The following POLR3B variants were observed in gnomAD, a reference collection of about 807,000 sequenced individuals.
The protein encoded by POLR3B is RNA polymerase III subunit B.
POLR3B carries 96 observed loss-of-function variants against 147.4 expected under a neutral mutation model. That is an observed-to-expected ratio of 0.65 (90% CI 0.55 to 0.77). POLR3B has a LOEUF of 0.77. POLR3B is among the 30% of genes least tolerant of loss of function. The probability of loss-of-function intolerance (pLI) is 0.00; values close to 1 mark genes in which losing one functional copy is unlikely to be tolerated. For synonymous variants in POLR3B, 461 were observed against 485.9 expected, an observed-to-expected ratio of 0.95 and a Z score of 0.67; for missense variants, 1,036 against 1,413.5, an observed-to-expected ratio of 0.73 and a Z score of 4.28.
chr12:106,439,629 G>A (rs967099386), intron 18 of POLR3B, among the ~76,000 whole-genome samples: 7 of 152,084 alleles, frequency 4.6e-5, no homozygotes, highest in African/African-American at 1.7e-4. Context: ...GGGTGACAAA[G>A]CAAACCCTGT....
intron 10 of POLR3B, among the ~76,000 whole-genome samples, chr12:106,404,158 T>A (rs2037116647): frequency 6.7e-6 from 1 of 149,002 alleles, no homozygotes; most frequent in African/African-American, 2.5e-5. Flanking sequence ...TGGCATGATC[T>A]CCGCTCACTG....
chr12:106,422,200 C>CA (rs1229726017), intron 12 of POLR3B, among the ~76,000 whole-genome samples: 1 of 152,092 alleles, frequency 6.6e-6, no homozygotes, highest in Non-Finnish European at 1.5e-5. Flanking sequence ...AATGGCTTAG[C>CA]ACCATCCTCC....
At chr12:106,405,795 G>A (rs972547326) in intron 10 of POLR3B, 62 bp from the exon 11 acceptor site, 1 of 1,543,200 alleles carries the variant, frequency 6.5e-7, no homozygotes, top group African/African-American at 1.4e-5. Flanking sequence ...CATGTGGTTA[G>A]GTGCTTGCTA....
intron 23 of POLR3B, among the ~76,000 whole-genome samples, chr12:106,463,947 T>C (rs1465632667): frequency 6.6e-6 from 1 of 151,434 alleles, no homozygotes; most frequent in South Asian, 2.1e-4. Flanking sequence ...TTTTTTTTTT[T>C]CTGAAAGATA....
chr12:106,440,060 A>G (rs994818870), intron 18 of POLR3B, among the ~76,000 whole-genome samples: 3 of 152,070 alleles, frequency 2.0e-5, no homozygotes, highest in South Asian at 2.1e-4. Flanking sequence ...CCCTTACTCA[A>G]AAAAAATATA....
intron 23 of POLR3B, among the ~76,000 whole-genome samples, chr12:106,489,312 A>C (rs2038379641): frequency 6.6e-6 from 1 of 152,204 alleles, no homozygotes; most frequent in African/African-American, 2.4e-5. Context: ...GTCTTATCAA[A>C]ATATAGTTTT....
At chr12:106,426,062 T>C (rs1565892574) in intron 12 of POLR3B, among the ~76,000 whole-genome samples, 2 of 152,142 alleles carry the variant, frequency 1.3e-5, no homozygotes, top group Non-Finnish European at 2.9e-5. Context: ...ATTTGTATGG[T>C]TTCCAGATTT....
intron 20 of POLR3B, among the ~76,000 whole-genome samples, chr12:106,455,765 C>T (rs996415359): frequency 2.0e-5 from 3 of 152,126 alleles, no homozygotes; most frequent in South Asian, 2.1e-4. Flanking sequence ...CATTCTGAGC[C>T]GAGTTTATTA....
At chr12:106,477,838 G>T (rs2038200173) in intron 23 of POLR3B, among the ~76,000 whole-genome samples, 1 of 150,402 alleles carries the variant, frequency 6.6e-6, no homozygotes, top group Non-Finnish European at 1.5e-5. Flanking sequence ...GTCGCTCACG[G>T]GCTGGGAGCT....
chr12:106,435,503 G>A lies in POLR3B; in HGVS notation c.1782-1554G>A, dbSNP rs960741120. 3.3e-5 allele frequency among the ~76,000 whole-genome samples: 5 copies of A among 151,726 alleles called. No individual in the cohort carries two copies. The South Asian group carries it at 1.0e-3, about 32-fold the overall frequency. On this transcript the variant is annotated intron_variant, in intron 16 of 27. Transcript: ENST00000228347. ...TTTTTGCTTAAATTAGCCAGAATTG[G>A]TTTCTCTTCTTTGCAACCGAAGAAT...
intron 12 of POLR3B, among the ~76,000 whole-genome samples, chr12:106,413,367 A>G (rs1295328046): frequency 1.3e-5 from 2 of 152,132 alleles, no homozygotes; most frequent in African/African-American, 2.4e-5. Context: ...ATTATCTCCC[A>G]TCATTTACTA....
In POLR3B at chr12:106,496,910, C is replaced by A. The variant is rs768877018; in HGVS notation, c.2976C>A (p.Gly992=). The A allele has an allele frequency of 6.2e-7, 1 of 1,613,728 alleles. No individual in the cohort carries two copies. Among genetic ancestry groups the A allele is most frequent in the Admixed American group, 1.7e-5 (1 of 60,012 alleles). The change falls in exon 25 of 28, where the codon GGC becomes GGA. Residue 992 remains glycine, a synonymous_variant. Transcript: ENST00000228347. ...NYLGKDYVTS[G]ITGEPLEAYI... ...TGGGGAAAGACTATGTTACATCCGG[C>A]ATCACAGGGTAAGCATGCGATTGAG...
intron 18 of POLR3B, among the ~76,000 whole-genome samples, chr12:106,440,787 G>A (rs192035511): frequency 4.0e-5 from 6 of 148,418 alleles, no homozygotes. Flanking sequence ...TTTTACTGAT[G>A]TATCTATGTA....
chr12:106,492,707 A>G (rs1331370783), intron 23 of POLR3B, among the ~76,000 whole-genome samples: 12 of 152,180 alleles, frequency 7.9e-5, no homozygotes, highest in Admixed American at 7.9e-4. Flanking sequence ...TGATACAGAG[A>G]GCTGTGATAG....
At chr12:106,379,106 A>G (rs917422525) in intron 8 of POLR3B, among the ~76,000 whole-genome samples, 2 of 152,248 alleles carry the variant, frequency 1.3e-5, no homozygotes, top group African/African-American at 4.8e-5. Context: ...GGAGCCAGGC[A>G]AAATACTAGG....
chr12:106,454,396 G>A (rs1226447020), intron 19 of POLR3B, 106 bp from the exon 20 acceptor site: 3 of 702,050 alleles, frequency 4.3e-6, no homozygotes, highest in Non-Finnish European at 7.7e-6. Context: ...TGAAGATTTT[G>A]TTCATTTTAA....
intron 23 of POLR3B, among the ~76,000 whole-genome samples, chr12:106,471,990 CT>C (rs2038099289): frequency 6.9e-6 from 1 of 145,096 alleles, no homozygotes; most frequent in Non-Finnish European, 1.5e-5. Context: ...TTAGGTATAT[CT>C]CCCAATGCTA....
rs962150807 is a variant in POLR3B at position 106,363,815 on chromosome 12, T to C, written c.73-55T>C. Reference sequence around the variant, plus strand: ...TATTTTGGAACATTAAAATAACTTATGAAAGTACTGTTGCTGGTACAGAGT... The same window carrying C: ...TATTTTGGAACATTAAAATAACTTACGAAAGTACTGTTGCTGGTACAGAGT... On this transcript the variant is annotated intron_variant, in intron 1 of 27. Transcript: ENST00000228347. 11 of 1,316,574 alleles carry C rather than the reference T, an allele frequency of 8.4e-6. No homozygotes were observed. In the South Asian group the frequency reaches 1.2e-4, roughly 15 times the overall value. 81.6% of individuals were successfully genotyped at this position (1,316,574 alleles called of 1,614,324 possible). A position where few individuals can be genotyped will look rare whatever the true frequency, so the allele number is the denominator to read the frequency against.
intron 8 of POLR3B, among the ~76,000 whole-genome samples, chr12:106,378,864 TAC>T (rs956252506): frequency 2.6e-5 from 4 of 152,246 alleles, no homozygotes; most frequent in African/African-American, 9.6e-5. Context: ...TCATTTTTAC[TAC>T]AGTCTCCCTT....
Sources: allele counts gnomAD v4.1 joint callset (sites outside exome capture counted in the v4.1 genomes callset), GRCh38; gene constraint gnomAD v4.1.1; transcripts MANE v1.5; gene names NCBI Gene and HGNC (gene_info 2026-07-23, HGNC 2026-07-21).